DPH6: variants seen among roughly 807,000 people sequenced by gnomAD.
The protein encoded by DPH6 is diphthine--ammonia ligase.
DPH6 carries 33 observed loss-of-function variants against 38.2 expected under a neutral mutation model. That is an observed-to-expected ratio of 0.86 (90% CI 0.65 to 1.15). DPH6 has a LOEUF of 1.15. Ranked by LOEUF, DPH6 falls within the 50% of genes most tolerant of loss-of-function variation. The pLI, the probability that DPH6 is intolerant of heterozygous loss-of-function variation, is 0.00. For synonymous variants in DPH6, 108 were observed against 103.0 expected (o/e 1.05, Z -0.30); for missense variants, 325 against 320.0 (o/e 1.02, Z -0.12).
intron 5 of DPH6, among the ~76,000 whole-genome samples, chr15:35,418,866 AT>A (rs1311896494): frequency 6.6e-6 from 1 of 152,088 alleles, no homozygotes; most frequent in Non-Finnish European, 1.5e-5. Flanking sequence ...TAACAATGCT[AT>A]TTTTAAGAGT....
chr15:35,386,067 A>G (rs145554591), intron 6 of DPH6, among the ~76,000 whole-genome samples: 3,781 of 152,072 alleles, frequency 0.025, 71 homozygotes, highest in African/African-American at 0.053. Context: ...TCTTTGTTCA[A>G]TTCCCACCTA....
chr15:35,239,948 C>T (rs1241183656), intron 3 of DPH6, among the ~76,000 whole-genome samples: 1 of 141,366 alleles, frequency 7.1e-6, no homozygotes, highest in Non-Finnish European at 1.5e-5. Flanking sequence ...ATTTCCGTGC[C>T]CTAACCCCTT....
At chr15:35,415,622 T>C (rs1243722006) in intron 5 of DPH6, among the ~76,000 whole-genome samples, 1 of 152,000 alleles carries the variant, frequency 6.6e-6, no homozygotes. Flanking sequence ...AATGTAAATA[T>C]AAAACACACT....
At chr15:35,538,162 G>C (rs1317994430) in intron 3 of DPH6, 112 bp downstream of exon 3, 1 of 938,298 alleles carries the variant, frequency 1.1e-6, no homozygotes, top group Non-Finnish European at 1.5e-6. Context: ...TCCTTTTAAA[G>C]AATAGTTGGG....
intron 3 of DPH6, among the ~76,000 whole-genome samples, chr15:35,337,731 C>T (rs1017923928): frequency 1.2e-4 from 19 of 152,168 alleles, no homozygotes; most frequent in East Asian, 5.8e-4. Flanking sequence ...CAAGTCAATC[C>T]GAAGCCAAAA....
At chr15:35,223,689 A>C (rs993712077) in intron 3 of DPH6, among the ~76,000 whole-genome samples, 1 of 152,164 alleles carries the variant, frequency 6.6e-6, no homozygotes, top group Non-Finnish European at 1.5e-5. Flanking sequence ...CCGTCTCAAA[A>C]AAAAAAGCAA....
intron 3 of DPH6, among the ~76,000 whole-genome samples, chr15:35,262,701 G>T (rs1477377826): frequency 2.2e-5 from 2 of 91,402 alleles, no homozygotes; most frequent in Non-Finnish European, 3.6e-5. Flanking sequence ...GCAAGACTCC[G>T]TCTCAAAAAA....
chr15:35,217,441 T>G (rs2051416820), exon 4 of DPH6: 1 of 152,362 alleles, frequency 6.6e-6, no homozygotes, highest in Middle Eastern at 3.4e-3. Context: ...AACCTCTGCC[T>G]CCCGGGTTCA....
At chr15:35,341,777 G>C (rs1022225084) in intron 3 of DPH6, among the ~76,000 whole-genome samples, 1 of 152,186 alleles carries the variant, frequency 6.6e-6, no homozygotes, top group Non-Finnish European at 1.5e-5. Context: ...ACCTGTCGCT[G>C]TTCCAAACAC....
intron 3 of DPH6, among the ~76,000 whole-genome samples, chr15:35,511,252 C>A (rs1425553460): frequency 6.6e-6 from 1 of 152,040 alleles, no homozygotes; most frequent in African/African-American, 2.4e-5. Context: ...AGGGACAGAA[C>A]AACCAGTGCT....
chr15:35,265,338 C>T (rs2051776471), intron 3 of DPH6, among the ~76,000 whole-genome samples: 1 of 152,172 alleles, frequency 6.6e-6, no homozygotes, highest in Admixed American at 6.5e-5. Context: ...CTTTTGATAA[C>T]CCCTAAATTA....
chr15:35,194,171 A>C, the DPH6 span, among the ~76,000 whole-genome samples: 1 of 152,006 alleles, frequency 6.6e-6, no homozygotes, highest in Non-Finnish European at 1.5e-5. Context: ...ATTCATTTTT[A>C]TTTATTTCCT....
At chr15:35,173,711 C>A in the DPH6 span, among the ~76,000 whole-genome samples, 1 of 151,896 alleles carries the variant, frequency 6.6e-6, no homozygotes, top group Non-Finnish European at 1.5e-5. Context: ...GCAGCCATGT[C>A]GAATTAACAG....
chr15:35,161,722 C>A, the DPH6 span, among the ~76,000 whole-genome samples: 429 of 151,978 alleles, frequency 2.8e-3, 1 homozygote, highest in African/African-American at 9.8e-3. Context: ...CTCATTCTCA[C>A]TCTTTCTCTC....
the DPH6 span, among the ~76,000 whole-genome samples, chr15:35,210,362 G>A: frequency 4.6e-5 from 7 of 152,140 alleles, no homozygotes; most frequent in Non-Finnish European, 1.0e-4. Flanking sequence ...AGGGAATCAA[G>A]AAATGTAGCA....
intron 5 of DPH6, among the ~76,000 whole-genome samples, chr15:35,436,481 A>AC (rs1170748676): frequency 3.6e-5 from 1 of 27,852 alleles, no homozygotes; most frequent in African/African-American, 1.3e-4. Flanking sequence ...AAACAAACAA[A>AC]AACAAAACAA....
chr15:35,406,736 C>T (rs533530423), intron 6 of DPH6, among the ~76,000 whole-genome samples: 3 of 151,968 alleles, frequency 2.0e-5, no homozygotes, highest in African/African-American at 7.2e-5. Flanking sequence ...ATAAAAATGG[C>T]ATAGATAAGT....
At chr15:35,158,755 T>C in the DPH6 span, among the ~76,000 whole-genome samples, 26 of 152,132 alleles carry the variant, frequency 1.7e-4, no homozygotes, top group African/African-American at 5.5e-4. Context: ...GTTAGGGAAA[T>C]TGGTTTTAGC....
intron 3 of DPH6, among the ~76,000 whole-genome samples, chr15:35,294,744 G>T (rs976157128): frequency 1.3e-5 from 2 of 152,156 alleles, no homozygotes; most frequent in African/African-American, 4.8e-5. Context: ...CCCACAGATA[G>T]ATATAAAACT....
Sources: allele counts gnomAD v4.1 joint callset (sites outside exome capture counted in the v4.1 genomes callset), GRCh38; gene constraint gnomAD v4.1.1; transcripts MANE v1.5; gene names NCBI Gene and HGNC (gene_info 2026-07-23, HGNC 2026-07-21).